Variants in FAM168A observed in about 807,000 individuals in gnomAD.
FAM168A encodes the protein family with sequence similarity 168 member A.
FAM168A carries 3 observed loss-of-function variants against 28.5 expected under a neutral mutation model. That is an observed-to-expected ratio of 0.11 (90% confidence interval 0.05 to 0.27). The LOEUF is 0.27. Ranked by LOEUF, FAM168A falls within the 10% of genes least tolerant of loss-of-function variation. The probability of loss-of-function intolerance (pLI) is 1.00; values close to 1 mark genes in which losing one functional copy is unlikely to be tolerated. For synonymous variants in FAM168A, 122 were observed against 124.2 expected, an observed-to-expected ratio of 0.98 and a Z score of 0.12; for missense variants, 222 against 311.5, an observed-to-expected ratio of 0.71 and a Z score of 2.16.
chr11:73,471,543 C>T (rs182208942), intron 1 of FAM168A, among the ~76,000 whole-genome samples: 2 of 152,246 alleles, frequency 1.3e-5, no homozygotes, highest in East Asian at 3.9e-4. Flanking sequence ...GTAGTTAATA[C>T]CACCAGCCTT....
intron 1 of FAM168A, among the ~76,000 whole-genome samples, chr11:73,568,651 C>G (rs1444697393): frequency 3.3e-5 from 5 of 152,110 alleles, no homozygotes; most frequent in African/African-American, 7.2e-5. Flanking sequence ...AATCCCAGCA[C>G]CTTGGGAGGC....
At chr11:73,438,278 GAA>G (rs1867128759) in intron 2 of FAM168A, among the ~76,000 whole-genome samples, 2 of 152,304 alleles carry the variant, frequency 1.3e-5, no homozygotes, top group South Asian at 4.1e-4. Context: ...TATAATCAGA[GAA>G]TGCTGAAAGT....
At chr11:73,430,091 C>G (rs925427324) in intron 3 of FAM168A, 2 of 156,442 alleles carry the variant, frequency 1.3e-5, no homozygotes, top group African/African-American at 4.8e-5. Context: ...GAACTAAGAC[C>G]ACTGCAATGA....
chr11:73,511,325 C>T (rs1034851593), intron 1 of FAM168A, among the ~76,000 whole-genome samples: 3 of 152,008 alleles, frequency 2.0e-5, no homozygotes. Context: ...CAAGCTCTGC[C>T]TCCTGGGTTC....
intron 2 of FAM168A, among the ~76,000 whole-genome samples, chr11:73,434,691 A>G (rs988807497): frequency 1.3e-5 from 2 of 152,236 alleles, no homozygotes; most frequent in Non-Finnish European, 1.5e-5. Context: ...TTAGACTTCT[A>G]TTCTGAGTGA....
intron 2 of FAM168A, among the ~76,000 whole-genome samples, chr11:73,447,364 CAT>C (rs1201653387): frequency 1.3e-5 from 2 of 151,710 alleles, no homozygotes; most frequent in Non-Finnish European, 2.9e-5. Flanking sequence ...ATCTGGGCAA[CAT>C]AGCAAGACCT....
chr11:73,502,952 GCTT>G (rs1312868503), intron 1 of FAM168A, among the ~76,000 whole-genome samples: 2 of 152,004 alleles, frequency 1.3e-5, no homozygotes, highest in Non-Finnish European at 2.9e-5. Context: ...ATTCAACATG[GCTT>G]CATGTTAAAA....
chr11:73,577,073 T>C (rs1046466769), intron 1 of FAM168A, among the ~76,000 whole-genome samples: 1 of 151,986 alleles, frequency 6.6e-6, no homozygotes, highest in Admixed American at 6.5e-5. Flanking sequence ...CTGAACCGCA[T>C]CACGGAATAG....
intron 1 of FAM168A, among the ~76,000 whole-genome samples, chr11:73,469,903 TTTTTTG>T (rs762115983): frequency 3.3e-5 from 5 of 152,024 alleles, no homozygotes; most frequent in Admixed American, 6.5e-5. Context: ...AGATCATAGA[TTTTTTG>T]TTTTTGTTTT....
At chr11:73,474,200 T>C (rs1867855855) in intron 1 of FAM168A, among the ~76,000 whole-genome samples, 1 of 152,216 alleles carries the variant, frequency 6.6e-6, no homozygotes, top group African/African-American at 2.4e-5. Context: ...CAGAAATTTA[T>C]TTCTCACAGT....
intron 1 of FAM168A, among the ~76,000 whole-genome samples, chr11:73,544,058 G>C (rs1208572401): frequency 6.6e-6 from 1 of 152,154 alleles, no homozygotes. Flanking sequence ...CTTGAGCCCA[G>C]GAGTTTGAGG....
intron 1 of FAM168A, among the ~76,000 whole-genome samples, chr11:73,581,637 A>G (rs1944246131): frequency 6.6e-6 from 1 of 152,162 alleles, no homozygotes; most frequent in South Asian, 2.1e-4. Flanking sequence ...CTCTTCCTCC[A>G]AGAACTCTTC....
chr11:73,450,090 G>C (rs1278044048), intron 2 of FAM168A, among the ~76,000 whole-genome samples: 1 of 152,214 alleles, frequency 6.6e-6, no homozygotes, highest in African/African-American at 2.4e-5. Flanking sequence ...AAAGAAAATT[G>C]TTGGCTATCC....
rs1303211588 is a variant in FAM168A at position 73,401,747 on chromosome 11, C to T, written c.*5016G>A. The T allele has an allele frequency of 6.6e-6, 1 of 152,250 alleles. No homozygotes were observed. Among genetic ancestry groups the T allele is most frequent in the African/African-American group, 2.4e-5 (1 of 41,450 alleles). The allele number at this position is 152,250 out of a possible 1,614,324, so 9.4% of individuals were successfully genotyped here. The stretch of plus-strand genomic sequence containing the variant: ...CTAGCTTTGTGGCAGCCAGTCCCAA[C>T]TCCTGTGTGCCTCGGTTGGCCTTTG... On this transcript the variant is annotated 3_prime_UTR_variant, in exon 8 of 8. Transcript: ENST00000356467.
intron 1 of FAM168A, among the ~76,000 whole-genome samples, chr11:73,555,023 T>C (rs1003438717): frequency 6.6e-6 from 1 of 152,168 alleles, no homozygotes; most frequent in African/African-American, 2.4e-5. Flanking sequence ...AAGGTCAAGG[T>C]AGCCTTTGTT....
intron 2 of FAM168A, among the ~76,000 whole-genome samples, chr11:73,431,337 A>T (rs1357688430): frequency 6.6e-6 from 1 of 151,792 alleles, no homozygotes; most frequent in East Asian, 1.9e-4. Flanking sequence ...GCAAGACTCC[A>T]TCCGCTGCCC....
At chr11:73,570,596 T>G (rs1944074522) in intron 1 of FAM168A, among the ~76,000 whole-genome samples, 1 of 152,078 alleles carries the variant, frequency 6.6e-6, no homozygotes, top group Non-Finnish European at 1.5e-5. Flanking sequence ...TAGCTGGGCA[T>G]GATGGCATGC....
At chr11:73,481,550 T>C (rs1421549994) in intron 1 of FAM168A, among the ~76,000 whole-genome samples, 3 of 152,162 alleles carry the variant, frequency 2.0e-5, no homozygotes, top group South Asian at 2.1e-4. Context: ...AGAGAGACAA[T>C]AAATCAGCAA....
At chr11:73,495,227 G>A (rs1854847931) in intron 1 of FAM168A, among the ~76,000 whole-genome samples, 1 of 152,066 alleles carries the variant, frequency 6.6e-6, no homozygotes, top group African/African-American at 2.4e-5. Context: ...TACTCGGGAG[G>A]CTGAGGCAGG....
Sources: allele counts gnomAD v4.1 joint callset (sites outside exome capture counted in the v4.1 genomes callset), GRCh38; gene constraint gnomAD v4.1.1; transcripts MANE v1.5; gene names NCBI Gene and HGNC (gene_info 2026-07-23, HGNC 2026-07-21).